The following DAPK1 variants were observed in gnomAD, a reference collection of about 807,000 sequenced individuals.
DAPK1 encodes the protein death associated protein kinase 1, also known as death-associated protein kinase 1.
In DAPK1, 56 loss-of-function variants were observed where a neutral mutation model predicts 144.9. The ratio of observed to expected loss-of-function variants is 0.39; its 90% CI spans 0.31 to 0.48. The LOEUF (loss-of-function observed/expected upper bound fraction) is 0.48, where lower values mean the gene tolerates loss of function less well. Ranked by LOEUF, DAPK1 falls within the 20% of genes least tolerant of loss-of-function variation. The pLI, the probability that DAPK1 is intolerant of heterozygous loss-of-function variation, is 0.95. For missense variants in DAPK1, 1,454 were observed against 1,875.4 expected, an observed-to-expected ratio of 0.78 and a Z score of 4.15; for synonymous variants, 690 against 749.0, an observed-to-expected ratio of 0.92 and a Z score of 1.29.
intron 2 of DAPK1, among the ~76,000 whole-genome samples, chr9:87,580,231 A>G (rs944690150): frequency 1.2e-4 from 19 of 152,132 alleles, no homozygotes; most frequent in Admixed American, 9.2e-4. Context: ...TTTCTTCCTG[A>G]TATTTCCTTT....
intron 17 of DAPK1, among the ~76,000 whole-genome samples, chr9:87,653,796 C>T (rs1374446059): frequency 2.0e-5 from 3 of 152,082 alleles, no homozygotes; most frequent in South Asian, 2.1e-4. Flanking sequence ...TGGGCTCAAG[C>T]GATTCTCATG....
chr9:87,611,166 A>AT (rs201931260), intron 3 of DAPK1, among the ~76,000 whole-genome samples: 3 of 152,308 alleles, frequency 2.0e-5, no homozygotes, highest in Non-Finnish European at 2.9e-5. Context: ...TTATAAAATG[A>AT]TTTTTTTAAA....
At chr9:87,505,419 G>A (rs1159097930) in intron 2 of DAPK1, among the ~76,000 whole-genome samples, 4 of 152,070 alleles carry the variant, frequency 2.6e-5, no homozygotes, top group South Asian at 4.2e-4. Flanking sequence ...TTTTTGAGAC[G>A]GAGTCTCACT....
intron 2 of DAPK1, among the ~76,000 whole-genome samples, chr9:87,505,438 C>T (rs886594004): frequency 6.6e-6 from 1 of 152,190 alleles, no homozygotes; most frequent in African/African-American, 2.4e-5. Flanking sequence ...CTCTGTTGCC[C>T]AGGCTAGAGT....
intron 24 of DAPK1, among the ~76,000 whole-genome samples, chr9:87,700,796 T>C (rs532319975): frequency 2.3e-4 from 35 of 152,226 alleles, no homozygotes; most frequent in Non-Finnish European, 3.2e-4. Context: ...CCACCATGCC[T>C]GGCCAATTTT....
rs760190138 is a variant in DAPK1, at chr9:87,640,384, A to G, written c.716A>G (p.Glu239Gly). 2.5e-6 allele frequency: 4 copies of G among 1,614,086 alleles called. No homozygotes were observed. Among genetic ancestry groups the G allele is most frequent in the Admixed American group, 1.7e-5 (1 of 60,012 alleles). ...VSAVNYEFED[E>G]YFSNTSALAK... ...GCTGTCAACTACGAATTTGAGGATG[A>G]ATACTTCAGTAATACCAGTGCCCTA... is the stretch of plus-strand genomic sequence containing the variant. The change falls in exon 8 of 26, where the codon GAA (glutamate) becomes GGA (glycine). Residue 239 changes from glutamate to glycine, a missense_variant. This residue lies in a region of DAPK1 where 429 missense variants were observed against 637.5 expected (regional missense o/e 0.67). Coordinates refer to ENST00000408954, the MANE Select transcript of DAPK1 (RefSeq NM_004938.4).
At chr9:87,691,244 T>C (rs1020511917) in intron 21 of DAPK1, among the ~76,000 whole-genome samples, 2 of 152,038 alleles carry the variant, frequency 1.3e-5, no homozygotes, top group Admixed American at 6.6e-5. Context: ...TGTCTAGGAA[T>C]TTATCCATTT....
At chr9:87,511,309 G>C (rs1216852289) in intron 2 of DAPK1, among the ~76,000 whole-genome samples, 1 of 152,182 alleles carries the variant, frequency 6.6e-6, no homozygotes, top group Non-Finnish European at 1.5e-5. Flanking sequence ...ATGATGCTTA[G>C]GGTTCCTAAG....
chr9:87,628,698 C>T (rs563781361), intron 3 of DAPK1, among the ~76,000 whole-genome samples: 54 of 152,292 alleles, frequency 3.5e-4, no homozygotes, highest in Non-Finnish European at 6.9e-4. Flanking sequence ...CACCTCACTC[C>T]TTCACGCTGT....
At chr9:87,605,267 G>A in intron 3 of DAPK1, 92 bp downstream of exon 3, 1 of 1,040,928 alleles carries the variant, frequency 9.6e-7, no homozygotes, top group Non-Finnish European at 1.5e-6. Flanking sequence ...GCGAGCCCGA[G>A]AGAGGGATCA....
chr9:87,565,333 A>C (rs1827082143), intron 2 of DAPK1, among the ~76,000 whole-genome samples: 1 of 152,214 alleles, frequency 6.6e-6, no homozygotes, highest in South Asian at 2.1e-4. Context: ...ACGCTGAAGA[A>C]TCACAACCCC....
intron 2 of DAPK1, among the ~76,000 whole-genome samples, chr9:87,558,227 G>A (rs1826787886): frequency 6.6e-6 from 1 of 152,074 alleles, no homozygotes; most frequent in Admixed American, 6.5e-5. Flanking sequence ...GGACTCACAT[G>A]TTACTGCACA....
chr9:87,571,476 A>ACACACACACACCCCC (rs771023885), intron 2 of DAPK1, among the ~76,000 whole-genome samples: 4 of 48,548 alleles, frequency 8.2e-5, no homozygotes, highest in African/African-American at 2.8e-4. Flanking sequence ...CACACACACC[A>ACACACACACACCCCC]ACACACACAC....
intron 2 of DAPK1, among the ~76,000 whole-genome samples, chr9:87,509,421 G>A (rs1054962621): frequency 6.6e-6 from 1 of 152,148 alleles, no homozygotes; most frequent in Admixed American, 6.5e-5. Context: ...GAGTGCAATG[G>A]CGCAATCTCA....
intron 2 of DAPK1, among the ~76,000 whole-genome samples, chr9:87,576,368 T>G (rs949735647): frequency 5.9e-5 from 9 of 152,378 alleles, no homozygotes; most frequent in African/African-American, 2.2e-4. Flanking sequence ...TGTTTTGTAC[T>G]GTCATCTAAA....
chr9:87,697,274 G>A, intron 22 of DAPK1, 70 bp downstream of exon 22: 1 of 747,800 alleles, frequency 1.3e-6, no homozygotes, highest in Non-Finnish European at 2.4e-6. Flanking sequence ...CTCCTTCCAG[G>A]CTTCTGCCCT....
intron 3 of DAPK1, among the ~76,000 whole-genome samples, chr9:87,618,337 T>C (rs1308933302): frequency 6.6e-6 from 1 of 152,224 alleles, no homozygotes; most frequent in Non-Finnish European, 1.5e-5. Flanking sequence ...CTGGTGAGAA[T>C]GTAAATTGTT....
chr9:87,524,858 G>T (rs913777), intron 2 of DAPK1, among the ~76,000 whole-genome samples: 13,454 of 152,128 alleles, frequency 0.088, 862 homozygotes, highest in East Asian at 0.33. Flanking sequence ...AAAGGCATAA[G>T]AATGACACAA....
intron 2 of DAPK1, among the ~76,000 whole-genome samples, chr9:87,585,894 T>C (rs763706951): frequency 2.0e-5 from 3 of 152,244 alleles, no homozygotes; most frequent in Admixed American, 1.3e-4. Context: ...CATTATTGAC[T>C]ACATGCTTAA....
Sources: gnomAD v4.1 joint callset for allele counts (sites outside exome capture counted in the v4.1 genomes callset) on GRCh38, gnomAD v4.1.1 for gene constraint, gnomAD v4.1.1 regional missense constraint, MANE v1.5 for transcripts, NCBI Gene and HGNC (gene_info 2026-07-23, HGNC 2026-07-21) for gene names.